DTD1: variants seen among roughly 807,000 people sequenced by gnomAD.
DTD1 encodes D-tyrosyl-tRNA deacylase 1 homolog.
Under a neutral mutation model 25.6 loss-of-function variants are expected in DTD1, and 13 were observed. That is an observed-to-expected ratio of 0.51 (90% CI 0.33 to 0.81). DTD1 has a LOEUF of 0.81. DTD1 is among the 30% of genes least tolerant of loss of function. DTD1 has a pLI of 0.02. For missense variants in DTD1, 193 were observed against 266.4 expected (o/e 0.72, Z 1.92); for synonymous variants, 110 against 103.6 (o/e 1.06, Z -0.37).
chr20:18,639,181 A>AG (rs1410025370), intron 4 of DTD1, among the ~76,000 whole-genome samples: 23 of 113,304 alleles, frequency 2.0e-4, no homozygotes, highest in African/African-American at 4.3e-4. Flanking sequence ...TTTTTTTTTA[A>AG]GAAAAAAAAA....
intron 3 of DTD1, among the ~76,000 whole-genome samples, chr20:18,612,804 G>C (rs371575287): frequency 6.6e-6 from 1 of 151,912 alleles, no homozygotes; most frequent in African/African-American, 2.4e-5. Flanking sequence ...AACTATAGGC[G>C]CCTGCCACCA....
chr20:18,622,641 A>C (rs1448524603), intron 3 of DTD1, among the ~76,000 whole-genome samples: 1 of 152,202 alleles, frequency 6.6e-6, no homozygotes, highest in Non-Finnish European at 1.5e-5. Flanking sequence ...TTGCATCTGT[A>C]TTCAAAGGAG....
At chr20:18,711,779 C>T (rs537331929) in intron 4 of DTD1, among the ~76,000 whole-genome samples, 12 of 152,152 alleles carry the variant, frequency 7.9e-5, no homozygotes, top group Admixed American at 5.2e-4. Context: ...GACACAGTGG[C>T]TCATGCCTGT....
At chr20:18,646,453 GT>G (rs1410543681) in intron 4 of DTD1, among the ~76,000 whole-genome samples, 1 of 152,332 alleles carries the variant, frequency 6.6e-6, no homozygotes, top group Middle Eastern at 3.4e-3. Flanking sequence ...GCTGAGTGTA[GT>G]TTTGTCCTTT....
At chr20:18,629,284 A>T in intron 4 of DTD1, among the ~76,000 whole-genome samples, 1 of 134,056 alleles carries the variant, frequency 7.5e-6, no homozygotes. Flanking sequence ...GTGTAATCCC[A>T]CTGTGCTCGG....
At chr20:18,738,834 A>G (rs2061266744) in intron 4 of DTD1, among the ~76,000 whole-genome samples, 1 of 152,248 alleles carries the variant, frequency 6.6e-6, no homozygotes, top group South Asian at 2.1e-4. Flanking sequence ...TGATCATTCA[A>G]CTACTATCAG....
At chr20:18,694,752 T>G (rs1378111350) in intron 4 of DTD1, among the ~76,000 whole-genome samples, 2 of 152,092 alleles carry the variant, frequency 1.3e-5, no homozygotes, top group Non-Finnish European at 2.9e-5. Flanking sequence ...TATATACAGG[T>G]CACAAATTGC....
intron 1 of DTD1, chr20:18,592,739 A>G (rs112377556): frequency 0.073 from 11,078 of 150,792 alleles, 525 homozygotes; most frequent in Non-Finnish European, 0.1. Flanking sequence ...CTGGAGTGCA[A>G]TGGTGTGATC....
chr20:18,756,211 T>G (rs934390592), intron 5 of DTD1, among the ~76,000 whole-genome samples: 4 of 152,318 alleles, frequency 2.6e-5, no homozygotes, highest in East Asian at 1.9e-4. Context: ...TTTCTCCCAC[T>G]TTGTAGGTTG....
intron 4 of DTD1, among the ~76,000 whole-genome samples, chr20:18,682,745 C>T (rs2061002608): frequency 6.6e-6 from 1 of 152,248 alleles, no homozygotes; most frequent in Non-Finnish European, 1.5e-5. Context: ...CAAGCGAGCA[C>T]ACCCAATATC....
chr20:18,708,358 A>ATTT (rs1415204516), intron 4 of DTD1, among the ~76,000 whole-genome samples: 3 of 73,060 alleles, frequency 4.1e-5, no homozygotes, highest in East Asian at 5.9e-4. Context: ...ATATATCTAT[A>ATTT]TATATATTTT....
chr20:18,695,947 G>A (rs1393503109), intron 4 of DTD1, among the ~76,000 whole-genome samples: 1 of 152,096 alleles, frequency 6.6e-6, no homozygotes, highest in African/African-American at 2.4e-5. Flanking sequence ...CAAAGCGCTG[G>A]GATTATAGGC....
intron 4 of DTD1, among the ~76,000 whole-genome samples, chr20:18,635,679 C>T (rs1247913759): frequency 1.3e-5 from 2 of 152,156 alleles, no homozygotes; most frequent in Admixed American, 6.5e-5. Context: ...TGTTTTTCTT[C>T]CTGGTGGAGA....
chr20:18,736,892 T>G (rs2122511783), intron 4 of DTD1, among the ~76,000 whole-genome samples: 1 of 152,172 alleles, frequency 6.6e-6, no homozygotes, highest in Admixed American at 6.6e-5. Flanking sequence ...GTCCATTCAT[T>G]TCTTCAGTCA....
chr20:18,743,273 G>C (rs1232655210), intron 4 of DTD1, among the ~76,000 whole-genome samples: 2 of 152,248 alleles, frequency 1.3e-5, no homozygotes, highest in Non-Finnish European at 2.9e-5. Context: ...CACGCAGCCT[G>C]CAAGCAAGTC....
At chr20:18,697,108 T>C (rs1423191059) in intron 4 of DTD1, among the ~76,000 whole-genome samples, 1 of 151,620 alleles carries the variant, frequency 6.6e-6, no homozygotes, top group Non-Finnish European at 1.5e-5. Context: ...GGTGGGTGCC[T>C]GTAGTCCCAG....
At chr20:18,742,016 G>A (rs1485624525) in intron 4 of DTD1, among the ~76,000 whole-genome samples, 5 of 151,808 alleles carry the variant, frequency 3.3e-5, no homozygotes, top group African/African-American at 9.7e-5. Context: ...GCTATTGCAG[G>A]CATGAGCCAC....
At chr20:18,598,045 C>T (rs1342722523) in intron 3 of DTD1, among the ~76,000 whole-genome samples, 1 of 152,062 alleles carries the variant, frequency 6.6e-6, no homozygotes, top group African/African-American at 2.4e-5. Context: ...ATGTGCAGAA[C>T]GTGCAGTTTT....
chr20:18,615,610 T>A (rs1410580327), intron 3 of DTD1, among the ~76,000 whole-genome samples: 1 of 152,218 alleles, frequency 6.6e-6, no homozygotes, highest in Non-Finnish European at 1.5e-5. Context: ...AAGGGCAACC[T>A]TTGCTCTCAA....
Sources: allele counts gnomAD v4.1 joint callset (sites outside exome capture counted in the v4.1 genomes callset), GRCh38; gene constraint gnomAD v4.1.1; transcripts MANE v1.5; gene names NCBI Gene and HGNC (gene_info 2026-07-23, HGNC 2026-07-21).